The following MYT1L variants were observed in gnomAD, a reference collection of about 807,000 sequenced individuals.
MYT1L encodes the protein myelin transcription factor 1-like protein.
In MYT1L, 12 loss-of-function variants were observed where a neutral mutation model predicts 126.7. The ratio of observed to expected loss-of-function variants is 0.09; its 90% CI spans 0.06 to 0.15. The LOEUF (loss-of-function observed/expected upper bound fraction) is 0.15. Among genes scored for constraint, MYT1L ranks in the 10% least tolerant of loss-of-function variants. The pLI is 1.00. For synonymous variants in MYT1L, 541 were observed against 604.2 expected (o/e 0.90, Z 1.53); for missense variants, 979 against 1,585.2 (o/e 0.62, Z 6.49).
intron 3 of MYT1L, among the ~76,000 whole-genome samples, chr2:2,100,293 C>T (rs1237512716): frequency 6.6e-6 from 1 of 152,068 alleles, no homozygotes; most frequent in Non-Finnish European, 1.5e-5. Flanking sequence ...GATATAATCA[C>T]CCTTGGCTCT....
intron 2 of MYT1L, among the ~76,000 whole-genome samples, chr2:2,274,649 C>A (rs1310254756): frequency 6.6e-6 from 1 of 152,166 alleles, no homozygotes; most frequent in East Asian, 1.9e-4. Context: ...AAACATATTT[C>A]TAAAATAAAC....
chr2:1,800,114 C>T (rs13421369), intron 23 of MYT1L: 6,570 of 152,328 alleles, frequency 0.043, 161 homozygotes, highest in East Asian at 0.071. Flanking sequence ...AATTTTTGAT[C>T]TGTCCCAATT....
intron 21 of MYT1L, among the ~76,000 whole-genome samples, chr2:1,814,475 T>TTGC (rs1323635849): frequency 3.3e-5 from 5 of 152,204 alleles, no homozygotes; most frequent in African/African-American, 1.2e-4. Context: ...GCCCACCACA[T>TTGC]TGCTATGTGT....
At chr2:1,968,924 G>C (rs1353609682) in intron 8 of MYT1L, among the ~76,000 whole-genome samples, 1 of 152,260 alleles carries the variant, frequency 6.6e-6, no homozygotes, top group East Asian at 1.9e-4. Flanking sequence ...TGCAGCAGAG[G>C]CCTGGCCCCC....
At chr2:1,993,992 C>G (rs2061634437) in intron 5 of MYT1L, among the ~76,000 whole-genome samples, 1 of 152,216 alleles carries the variant, frequency 6.6e-6, no homozygotes, top group Admixed American at 6.5e-5. Flanking sequence ...GCTGTCTGTA[C>G]ACTGCGGTGC....
At chr2:2,176,500 CTTT>C (rs569937187) in intron 2 of MYT1L, among the ~76,000 whole-genome samples, 4 of 141,730 alleles carry the variant, frequency 2.8e-5, no homozygotes, top group Admixed American at 7.1e-5. Context: ...TAGGACATAA[CTTT>C]TTTTTTTTTT....
chr2:2,004,319 AGGCGTTCTTTCC>A (rs2062862309), intron 4 of MYT1L, among the ~76,000 whole-genome samples: 4 of 132,604 alleles, frequency 3.0e-5, no homozygotes, highest in African/African-American at 5.7e-5. Context: ...TCTTTCCTGC[AGGCGTTCTTTCC>A]TGCATACGTT....
intron 4 of MYT1L, among the ~76,000 whole-genome samples, chr2:2,045,014 T>C (rs542009674): frequency 6.6e-6 from 1 of 152,278 alleles, no homozygotes; most frequent in South Asian, 2.1e-4. Flanking sequence ...GAACCCTGTT[T>C]ATGGTCCATT....
At chr2:2,000,631 G>C (rs1157143420) in intron 4 of MYT1L, among the ~76,000 whole-genome samples, 3 of 152,100 alleles carry the variant, frequency 2.0e-5, no homozygotes, top group Non-Finnish European at 4.4e-5. Context: ...CTGAGGACAG[G>C]GGGTTGTTTA....
At chr2:2,291,885 C>T (rs2095605258) in intron 1 of MYT1L, among the ~76,000 whole-genome samples, 1 of 152,242 alleles carries the variant, frequency 6.6e-6, no homozygotes, top group African/African-American at 2.4e-5. Flanking sequence ...CTATTCACAG[C>T]CTAGCTTTCT....
intron 21 of MYT1L, chr2:1,827,620 A>G (rs1249646980): frequency 6.6e-6 from 1 of 152,058 alleles, no homozygotes; most frequent in Non-Finnish European, 1.5e-5. Context: ...CACACAAAAT[A>G]TTTATTCCCT....
intron 3 of MYT1L, among the ~76,000 whole-genome samples, chr2:2,065,135 C>T (rs2071058595): frequency 6.6e-6 from 1 of 152,056 alleles, no homozygotes; most frequent in African/African-American, 2.4e-5. Context: ...AAGATTGAGG[C>T]TGCCGTGAGC....
rs1003759178 is a variant in MYT1L at position 1,806,320 on chromosome 2, C to T, written c.3172+2756G>A. 6.6e-6 allele frequency among the ~76,000 whole-genome samples: 1 copy of T among 152,212 alleles called. No individual in the cohort carries two copies. The highest frequency in any genetic ancestry group is 2.4e-5 in the African/African-American group (1 of 41,458). On this transcript the variant is annotated intron_variant, in intron 22 of 24. Transcript: ENST00000647738. This position sits in a 1 kb window ranked among gnomAD's most constrained non-coding sequence, Gnocchi z 4.9. ...TCTTTTTTACCCATGGACGTGCGTG[C>T]ATTAGGATCTGCAGCAAGGGGAACT... is the stretch of plus-strand genomic sequence containing the variant.
chr2:2,165,792 T>C (rs1318906108), intron 3 of MYT1L, among the ~76,000 whole-genome samples: 1 of 151,886 alleles, frequency 6.6e-6, no homozygotes, highest in Non-Finnish European at 1.5e-5. Flanking sequence ...AGTAAATAAG[T>C]AATAATAAAA....
intron 8 of MYT1L, among the ~76,000 whole-genome samples, chr2:1,961,060 G>A (rs570110741): frequency 1.7e-4 from 25 of 144,426 alleles, no homozygotes; most frequent in African/African-American, 4.9e-4. Flanking sequence ...TTAGTATCGC[G>A]GAATACATTT....
At chr2:2,245,352 T>G (rs2094515269) in intron 2 of MYT1L, among the ~76,000 whole-genome samples, 1 of 151,730 alleles carries the variant, frequency 6.6e-6, no homozygotes, top group Non-Finnish European at 1.5e-5. Flanking sequence ...CATCCCGAGC[T>G]CTAGCCTACT....
intron 1 of MYT1L, among the ~76,000 whole-genome samples, chr2:2,301,164 C>G (rs2095777940): frequency 6.6e-6 from 1 of 152,200 alleles, no homozygotes; most frequent in Admixed American, 6.5e-5. Flanking sequence ...CAGCCTTGCA[C>G]TTTTCTCTTC....
rs766667411 is a variant in MYT1L, at chr2:2,228,139, A to G, written c.-420-55151T>C. On this transcript the variant is annotated intron_variant, in intron 2 of 24. Transcript: ENST00000647738. The surrounding 1 kb of genome is among the most constrained non-coding windows in gnomAD (Gnocchi z 5.9). The stretch of plus-strand genomic sequence containing the variant: ...TGCAAGGATTACAGATAATATAATC[A>G]TCATCACTATCATCAGTATAATCAT... 5.9e-5 allele frequency among the ~76,000 whole-genome samples: 9 copies of G among 152,250 alleles called. No individual in the cohort carries two copies. The highest frequency in any genetic ancestry group is 4.1e-4 in the South Asian group (2 of 4,838).
chr2:2,241,382 C>T (rs1161677811), intron 2 of MYT1L, among the ~76,000 whole-genome samples: 1 of 152,156 alleles, frequency 6.6e-6, no homozygotes, highest in Non-Finnish European at 1.5e-5. Flanking sequence ...ATTTGCCTTT[C>T]TCGTTTCTAT....
Sources: gnomAD v4.1 joint callset for allele counts (sites outside exome capture counted in the v4.1 genomes callset) on GRCh38, gnomAD v4.1.1 for gene constraint, Gnocchi (gnomAD v3.1) non-coding constraint, MANE v1.5 for transcripts, NCBI Gene and HGNC (gene_info 2026-07-23, HGNC 2026-07-21) for gene names.